AADACL4: variants seen among roughly 807,000 people sequenced by gnomAD.
AADACL4 encodes the protein arylacetamide deacetylase like 4.
A neutral mutation model predicts 14.1 loss-of-function variants in AADACL4; 9 were observed. The observed-to-expected ratio is 0.64, with a 90% confidence interval of 0.39 to 1.12. The LOEUF is 1.12. AADACL4 is among the 50% of genes most tolerant of loss of function. The probability of loss-of-function intolerance (pLI) is 0.01; values close to 1 mark genes in which losing one functional copy is unlikely to be tolerated. For synonymous variants in AADACL4, 188 were observed against 201.6 expected, an observed-to-expected ratio of 0.93 and a Z score of 0.57; for missense variants, 531 against 516.1, an observed-to-expected ratio of 1.03 and a Z score of -0.28.
At chr1:12,656,990 A>G (rs1361948258) in intron 2 of AADACL4, among the ~76,000 whole-genome samples, 1 of 151,970 alleles carries the variant, frequency 6.6e-6, no homozygotes, top group Non-Finnish European at 1.5e-5. Context: ...AAAAAATACA[A>G]AAGTTAGCTG....
intron 1 of AADACL4, among the ~76,000 whole-genome samples, chr1:12,648,640 C>T (rs1266030759): frequency 6.7e-6 from 1 of 150,186 alleles, no homozygotes; most frequent in African/African-American, 2.5e-5. Context: ...TGGGCTCAAG[C>T]AGTCTGCCAG....
In AADACL4 at chr1:12,655,389, C is replaced by G. The variant is rs1465976671; in HGVS notation, c.385+4050C>G. On this transcript the variant is annotated intron_variant, in intron 2 of 3. Coordinates refer to ENST00000376221, the MANE Select transcript of AADACL4 (RefSeq NM_001013630.2). ...TGACCATGATTTTTGTGGGGGCTGC[C>G]AGGAACCTCAGGCCTCTTCAGTTCT... Among the ~76,000 whole-genome samples, 3 of 152,128 alleles carry G rather than the reference C, an allele frequency of 2.0e-5. No individual in the cohort carries two copies. In the East Asian group the frequency reaches 5.8e-4, roughly 29 times the overall value.
chr1:12,649,406 G>A (rs879738416), intron 1 of AADACL4, among the ~76,000 whole-genome samples: 12 of 152,162 alleles, frequency 7.9e-5, no homozygotes, highest in Non-Finnish European at 1.8e-4. Context: ...TGACAACAGG[G>A]GCCACGACTT....
chr1:12,658,140 CT>C (rs1491521456), intron 2 of AADACL4, among the ~76,000 whole-genome samples: 17 of 116,244 alleles, frequency 1.5e-4, no homozygotes, highest in South Asian at 5.4e-4. Flanking sequence ...TCCTTCCTTC[CT>C]TTCTTTCTTT....
At position 12,666,276 on chromosome 1, in the gene AADACL4, C is replaced by G. The variant is rs1557553963; in HGVS notation, c.765C>G (p.Asn255Lys). ...AGTTCATGGTGACTTCTCTGTGTAA[C>G]TATCTGGCCATTGACCTCTCCTGGC... ...SRKFMVTSLC[N>K]YLAIDLSWRD... is the part of the protein sequence containing the mutation. The change falls in exon 4 of 4, where the codon AAC (asparagine) becomes AAG (lysine). Residue 255 changes from asparagine (N) to lysine (K), a missense_variant. By Grantham distance (94) the Asn-to-Lys change is moderately conservative. Transcript: ENST00000376221. 6.2e-7 allele frequency: 1 copy of G among 1,614,248 alleles called. No individual in the cohort carries two copies. Among genetic ancestry groups the G allele is most frequent in the Non-Finnish European group, 8.5e-7 (1 of 1,180,048 alleles).
Position 12,661,787 on chromosome 1 carries a change from G to A in AADACL4, c.386-4G>A. The stretch of plus-strand genomic sequence containing the variant: ...CTGCTGCTCTGAGTGTTTTTGTCTT[G>A]CAGATTGTTACCATGGCCTGTGCAA... On this transcript the variant is annotated splice_polypyrimidine_tract_variant and splice_region_variant and intron_variant, in intron 2 of 3. Transcript: ENST00000376221. 6.2e-7 allele frequency: 1 copy of A among 1,614,026 alleles called. No homozygotes were observed. The highest frequency in any genetic ancestry group is 8.5e-7 in the Non-Finnish European group (1 of 1,179,998).
intron 1 of AADACL4, among the ~76,000 whole-genome samples, chr1:12,648,773 C>T (rs938133016): frequency 5.9e-5 from 9 of 152,210 alleles, no homozygotes; most frequent in African/African-American, 2.2e-4. Flanking sequence ...TTCCTCTCTG[C>T]CTCTGTCCTA....
chr1:12,655,990 G>A (rs542541498), intron 2 of AADACL4, among the ~76,000 whole-genome samples: 7 of 152,248 alleles, frequency 4.6e-5, no homozygotes, highest in African/African-American at 1.4e-4. Context: ...TCTGGCCATT[G>A]CACCCTATTT....
chr1:12,666,474 A>G lies in AADACL4; in HGVS notation c.963A>G (p.Val321=), dbSNP rs1647334701. Residue 321 remains valine, a synonymous_variant, in exon 4 of 4, where the codon GTA becomes GTG. Transcript: ENST00000376221. ...TAGAAGCCAAACATATGCTGGATGT[A>G]GAAAATTCACCCCTGATAGCAGATG... The part of the protein sequence containing the change: ...AYLEAKHMLD[V]ENSPLIADDE... 1.9e-6 allele frequency: 3 copies of G among 1,614,228 alleles called. No individual in the cohort carries two copies. The highest frequency in any genetic ancestry group is 2.5e-6 in the Non-Finnish European group (3 of 1,180,044).
rs529520198 is a variant in AADACL4 at position 12,646,631 on chromosome 1, AGATGTTCAG to A, written c.168+1919_168+1927del. On this transcript the variant is annotated intron_variant, in intron 1 of 3. Coordinates refer to ENST00000376221, the MANE Select transcript of AADACL4 (RefSeq NM_001013630.2). ...CCCCAGGATTTAAAACGAGGGCCTA[AGATGTTCAG>A]GTGGCCCAGAGAAATGGAGATTTTT... 2.0e-5 allele frequency among the ~76,000 whole-genome samples: 3 copies of A among 152,354 alleles called. No individual in the cohort carries two copies. The East Asian group carries it at 5.8e-4, about 29-fold the overall frequency.
intron 2 of AADACL4, among the ~76,000 whole-genome samples, chr1:12,656,690 G>A (rs1296650961): frequency 6.6e-6 from 1 of 152,214 alleles, no homozygotes; most frequent in African/African-American, 2.4e-5. Flanking sequence ...ACTAGCGTCA[G>A]TGTATTGGCA....
chr1:12,664,776 T>A (rs1244461699), intron 3 of AADACL4, among the ~76,000 whole-genome samples: 1 of 152,234 alleles, frequency 6.6e-6, no homozygotes, highest in Non-Finnish European at 1.5e-5. Context: ...TAAGCCAAAC[T>A]GTTTCTATTT....
chr1:12,661,727 G>T (rs1367631849), intron 2 of AADACL4, 64 bp from the exon 3 acceptor site: 14 of 1,501,024 alleles, frequency 9.3e-6, no homozygotes, highest in African/African-American at 1.4e-5. Context: ...TCTTCCTGGG[G>T]GCTGTGGTGA....
At chr1:12,665,472 G>A (rs558788610) in intron 3 of AADACL4, among the ~76,000 whole-genome samples, 10 of 152,210 alleles carry the variant, frequency 6.6e-5, no homozygotes, top group Non-Finnish European at 1.5e-4. Context: ...TGATCCACCC[G>A]CCTTGGCCTC....
Position 12,666,199 on chromosome 1 carries a change from T to C in AADACL4, c.688T>C (p.Leu230=). Residue 230 remains leucine, a synonymous_variant, in exon 4 of 4, where the codon TTG becomes CTG. Transcript: ENST00000376221. ...TTATCCAGTTGTCCAGGCATTCTGT[T>C]TGCAGTTGCCATCCTTTCAGCAGAA... ...LIYPVVQAFC[L]QLPSFQQNQN... is the part of the protein sequence containing the mutation. 2 of 1,614,252 alleles carry C rather than the reference T, an allele frequency of 1.2e-6. No individual in the cohort carries two copies. Among genetic ancestry groups the C allele is most frequent in the Non-Finnish European group, 1.7e-6 (2 of 1,180,052 alleles).
intron 1 of AADACL4, among the ~76,000 whole-genome samples, chr1:12,647,663 T>G (rs573878102): frequency 6.6e-6 from 1 of 151,926 alleles, no homozygotes; most frequent in East Asian, 1.9e-4. Flanking sequence ...TTCTTTCTTT[T>G]TTTTTTTTTG....
rs776200013 is a variant in AADACL4, at chr1:12,666,522, T to C, written c.1011T>C (p.Pro337=). 1.2e-6 allele frequency: 2 copies of C among 1,614,234 alleles called. No individual in the cohort carries two copies. Among genetic ancestry groups the C allele is most frequent in the South Asian group, 2.2e-5 (2 of 91,080 alleles). Reference sequence around the variant, plus strand: ...ATGATGAGGTCATCGCTCAGCTTCCTGAGGCCTTCCTGGTGAGCTGTGAGA... The same window carrying C: ...ATGATGAGGTCATCGCTCAGCTTCCCGAGGCCTTCCTGGTGAGCTGTGAGA... The part of the protein sequence containing the change: ...IADDEVIAQL[P]EAFLVSCEND... Residue 337 remains proline (P), a synonymous_variant, in exon 4 of 4, where the codon CCT becomes CCC. Coordinates refer to ENST00000376221, the MANE Select transcript of AADACL4 (RefSeq NM_001013630.2).
Position 12,661,992 on chromosome 1 carries a change from C to T in AADACL4, c.449+138C>T. On this transcript the variant is annotated intron_variant, in intron 3 of 3. Transcript: ENST00000376221. ...CATGCATCCACAGAGACAGGCGCAG[C>T]AGTGCTCGAAAGAGCAAAAACCTGA... 6 of 981,660 alleles carry T rather than the reference C, an allele frequency of 6.1e-6. No homozygotes were observed. In the South Asian group the frequency reaches 7.6e-5, roughly 12 times the overall value. The allele number at this position is 981,660 out of a possible 1,614,324, so 60.8% of individuals were successfully genotyped here. A position where few individuals can be genotyped will look rare whatever the true frequency, so the allele number is the denominator to read the frequency against.
chr1:12,664,598 G>C (rs970704391), intron 3 of AADACL4, among the ~76,000 whole-genome samples: 2 of 152,080 alleles, frequency 1.3e-5, no homozygotes, highest in African/African-American at 4.8e-5. Context: ...AACTCCTGAG[G>C]TTGAGTGATC....
Sources: allele counts gnomAD v4.1 joint callset (sites outside exome capture counted in the v4.1 genomes callset), GRCh38; gene constraint gnomAD v4.1.1; transcripts MANE v1.5; gene names NCBI Gene and HGNC (gene_info 2026-07-23, HGNC 2026-07-21).